GRIP1: variants seen among roughly 807,000 people sequenced by gnomAD.
The protein encoded by GRIP1 is glutamate receptor-interacting protein 1.
Under a neutral mutation model 129.9 loss-of-function variants are expected in GRIP1, and 45 were observed. That is an observed-to-expected ratio of 0.35 (90% CI 0.27 to 0.44). The LOEUF is 0.44. GRIP1 is among the 20% of genes least tolerant of loss of function. The pLI, the probability that GRIP1 is intolerant of heterozygous loss-of-function variation, is 1.00. For synonymous variants in GRIP1, 530 were observed against 520.8 expected, an observed-to-expected ratio of 1.02 and a Z score of -0.24; for missense variants, 1,196 against 1,396.8, an observed-to-expected ratio of 0.86 and a Z score of 2.29.
chr12:66,359,211 T>A (rs2054632444), intron 23 of GRIP1, among the ~76,000 whole-genome samples: 1 of 152,222 alleles, frequency 6.6e-6, no homozygotes, highest in South Asian at 2.1e-4. Flanking sequence ...TGCACCCACA[T>A]GTGAGGGTGC....
At chr12:66,361,518 G>A (rs930291051) in intron 23 of GRIP1, among the ~76,000 whole-genome samples, 1 of 152,196 alleles carries the variant, frequency 6.6e-6, no homozygotes, top group Non-Finnish European at 1.5e-5. Flanking sequence ...GGTTCACATA[G>A]TAACAAAAAC....
At chr12:66,470,248 C>G (rs186058098) in intron 7 of GRIP1, among the ~76,000 whole-genome samples, 4 of 152,276 alleles carry the variant, frequency 2.6e-5, no homozygotes, top group Admixed American at 6.5e-5. Flanking sequence ...CTACAAGGAC[C>G]TGCATGATCT....
intron 15 of GRIP1, among the ~76,000 whole-genome samples, chr12:66,414,392 G>C (rs543298191): frequency 7.9e-5 from 12 of 152,096 alleles, no homozygotes; most frequent in Non-Finnish European, 1.8e-4. Context: ...AATAAAGGAA[G>C]TGAAGGACCT....
chr12:66,401,524 AGCCGAGATTGT>A (rs2056987806), intron 16 of GRIP1, among the ~76,000 whole-genome samples: 1 of 151,154 alleles, frequency 6.6e-6, no homozygotes, highest in Non-Finnish European at 1.5e-5. Context: ...GGTTGCAGTG[AGCCGAGATTGT>A]GCCATTGCAC....
chr12:66,431,807 A>C (rs1592850715), intron 14 of GRIP1, among the ~76,000 whole-genome samples: 1 of 152,294 alleles, frequency 6.6e-6, no homozygotes, highest in African/African-American at 2.4e-5. Context: ...AGTCCACTGG[A>C]GCTAACACTT....
At chr12:66,907,158 T>G (rs1182567799) in intron 1 of GRIP1, among the ~76,000 whole-genome samples, 1 of 152,196 alleles carries the variant, frequency 6.6e-6, no homozygotes, top group Admixed American at 6.5e-5. Flanking sequence ...CATTTTTTGT[T>G]AGTTGACTTT....
chr12:66,524,341 G>C (rs1402521203), intron 5 of GRIP1, among the ~76,000 whole-genome samples: 1 of 152,152 alleles, frequency 6.6e-6, no homozygotes, highest in Admixed American at 6.5e-5. Context: ...TCAGACTACA[G>C]TGCAATCAAA....
At chr12:66,491,167 T>C (rs911711138) in intron 7 of GRIP1, among the ~76,000 whole-genome samples, 3 of 152,336 alleles carry the variant, frequency 2.0e-5, no homozygotes, top group East Asian at 1.9e-4. Context: ...TGTATGTGTA[T>C]GTTCATTGCA....
intron 1 of GRIP1, among the ~76,000 whole-genome samples, chr12:67,034,212 C>G (rs1453293815): frequency 6.6e-6 from 1 of 152,186 alleles, no homozygotes; most frequent in Non-Finnish European, 1.5e-5. Context: ...GGGCACATGT[C>G]AATCTTAAAG....
rs191382028 is a variant in GRIP1 at position 66,672,157 on chromosome 12, A to T, written c.55+6693T>A. Among the ~76,000 whole-genome samples, 852 of 152,358 alleles carry T rather than the reference A, an allele frequency of 5.6e-3. 5 individuals are homozygous for T. Among genetic ancestry groups the T allele is most frequent in the Non-Finnish European group, 9.3e-3 (635 of 68,030 alleles). On this transcript the variant is annotated intron_variant, in intron 1 of 24. Coordinates refer to ENST00000359742, the MANE Select transcript of GRIP1 (RefSeq NM_001366722.1). ...TTTTCCTCCATTGGTTTCCATTATT[A>T]TGATGACAACATATCTTTAGTGATA...
intron 1 of GRIP1, among the ~76,000 whole-genome samples, chr12:66,949,566 C>A (rs1222911322): frequency 6.6e-6 from 1 of 152,030 alleles, no homozygotes; most frequent in Non-Finnish European, 1.5e-5. Flanking sequence ...CTTTTAAAAT[C>A]TTTTCTAGAA....
intron 7 of GRIP1, among the ~76,000 whole-genome samples, chr12:66,470,815 C>A (rs1353576253): frequency 6.6e-6 from 1 of 152,170 alleles, no homozygotes; most frequent in Non-Finnish European, 1.5e-5. Context: ...ATACCGTACT[C>A]TGGGGGCAGA....
chr12:66,739,527 G>A (rs1391922966), intron 1 of GRIP1, among the ~76,000 whole-genome samples: 1 of 152,004 alleles, frequency 6.6e-6, no homozygotes, highest in Non-Finnish European at 1.5e-5. Flanking sequence ...ACTGATTATT[G>A]AGATTCTGAT....
intron 7 of GRIP1, among the ~76,000 whole-genome samples, chr12:66,480,692 T>C (rs939539077): frequency 2.2e-4 from 33 of 152,186 alleles, no homozygotes; most frequent in African/African-American, 7.5e-4. Flanking sequence ...CAAAACAGCA[T>C]GGTACTGGTA....
rs375483001 is a variant in GRIP1 at position 67,029,735 on chromosome 12, C to T, written c.58+39315G>A. On this transcript the variant is annotated intron_variant, in intron 1 of 1. Coordinates refer to the GRIP1 transcript ENST00000643019. Reference sequence around the variant, plus strand: ...AAAATCCCACAAAAGCAATAACGGACATGTGCTAGTCATGTTGATGGAAAC... The same window carrying T: ...AAAATCCCACAAAAGCAATAACGGATATGTGCTAGTCATGTTGATGGAAAC... Among the ~76,000 whole-genome samples, 28 of 152,098 alleles carry T rather than the reference C, an allele frequency of 1.8e-4. No individual in the cohort carries two copies. In the East Asian group the frequency reaches 5.0e-3, roughly 27 times the overall value.
intron 1 of GRIP1, among the ~76,000 whole-genome samples, chr12:66,673,233 T>C (rs1275230964): frequency 6.6e-6 from 1 of 152,206 alleles, no homozygotes; most frequent in East Asian, 1.9e-4. Flanking sequence ...ATGACGATAA[T>C]ATTGCAAGAT....
At chr12:66,859,956 CTCTGT>C (rs1431786225) in intron 1 of GRIP1, among the ~76,000 whole-genome samples, 2 of 152,046 alleles carry the variant, frequency 1.3e-5, no homozygotes, top group Non-Finnish European at 2.9e-5. Context: ...GATGGCAGGG[CTCTGT>C]TTATATTTCC....
intron 1 of GRIP1, among the ~76,000 whole-genome samples, chr12:66,979,229 A>AC (rs2042201895): frequency 8.4e-6 from 1 of 118,802 alleles, no homozygotes; most frequent in Admixed American, 8.9e-5. Flanking sequence ...TCTTAAAAAA[A>AC]AAAAAAAAAA....
At chr12:66,911,855 T>C (rs946064026) in intron 1 of GRIP1, among the ~76,000 whole-genome samples, 5 of 152,156 alleles carry the variant, frequency 3.3e-5, no homozygotes, top group African/African-American at 1.2e-4. Context: ...AACACTGGAG[T>C]GAACACAGTG....
Sources: allele counts gnomAD v4.1 joint callset (sites outside exome capture counted in the v4.1 genomes callset), GRCh38; gene constraint gnomAD v4.1.1; transcripts MANE v1.5; gene names NCBI Gene and HGNC (gene_info 2026-07-23, HGNC 2026-07-21).